Variants in SUPT3H observed in about 807,000 individuals in gnomAD.
SUPT3H encodes SPT3 homolog, SAGA and STAGA complex component.
Under a neutral mutation model 44.3 loss-of-function variants are expected in SUPT3H, and 44 were observed. The observed-to-expected ratio is 0.99, with a 90% CI of 0.78 to 1.28. The LOEUF (loss-of-function observed/expected upper bound fraction) is 1.28. Ranked by LOEUF, SUPT3H falls within the 50% of genes most tolerant of loss-of-function variation. SUPT3H has a pLI of 0.00. For missense variants in SUPT3H, 380 were observed against 387.1 expected (o/e 0.98, Z 0.15); for synonymous variants, 124 against 125.6 (o/e 0.99, Z 0.09).
At chr6:44,834,025 T>C (rs896987571) in intron 10 of SUPT3H, among the ~76,000 whole-genome samples, 1 of 152,182 alleles carries the variant, frequency 6.6e-6, no homozygotes, top group African/African-American at 2.4e-5. Flanking sequence ...GTGTATAGTA[T>C]AGAACATTGC....
At chr6:45,308,248 C>T (rs556387864) in intron 2 of SUPT3H, among the ~76,000 whole-genome samples, 5 of 152,114 alleles carry the variant, frequency 3.3e-5, no homozygotes, top group East Asian at 3.9e-4. Context: ...ATACAGAGAA[C>T]GCCACAAAGA....
intron 9 of SUPT3H, among the ~76,000 whole-genome samples, chr6:44,949,349 C>G (rs1204396232): frequency 6.6e-6 from 1 of 151,544 alleles, no homozygotes. Flanking sequence ...TGTAACAAAC[C>G]TGCAGGTTGT....
chr6:45,176,092 C>G (rs748592870), intron 2 of SUPT3H, among the ~76,000 whole-genome samples: 1 of 152,078 alleles, frequency 6.6e-6, no homozygotes, highest in Non-Finnish European at 1.5e-5. Context: ...CGAATAGGAA[C>G]AGCTCTGGTC....
chr6:44,928,743 C>T (rs1769947681), intron 10 of SUPT3H, among the ~76,000 whole-genome samples: 1 of 151,150 alleles, frequency 6.6e-6, no homozygotes, highest in Non-Finnish European at 1.5e-5. Flanking sequence ...ATTAGCTGGG[C>T]GCAGTGGCGG....
Position 44,809,727 on chromosome 6 carries a change from G to C in SUPT3H, c.*53-226C>G, listed in dbSNP as rs1478119221. On this transcript the variant is annotated intron_variant and NMD_transcript_variant, in intron 11 of 11. Transcript: ENST00000475057. Reference sequence around the variant, plus strand: ...TAAAGTTTTGACTCCCACTTATGCTGGTTTTTCCATAATCCACACTCCATA... The same window carrying C: ...TAAAGTTTTGACTCCCACTTATGCTCGTTTTTCCATAATCCACACTCCATA... Among the ~76,000 whole-genome samples the C allele has an allele frequency of 2.6e-5, 4 of 152,224 alleles. No individual in the cohort carries two copies. In the East Asian group the frequency reaches 7.7e-4, roughly 29 times the overall value.
chr6:45,354,702 GAAA>G (rs199898844), intron 2 of SUPT3H, among the ~76,000 whole-genome samples: 2 of 150,826 alleles, frequency 1.3e-5, no homozygotes, highest in Non-Finnish European at 3.0e-5. Flanking sequence ...TTTAAAAAAA[GAAA>G]AAAAAAGTTT....
intron 2 of SUPT3H, among the ~76,000 whole-genome samples, chr6:45,235,695 A>G (rs964709329): frequency 6.6e-6 from 1 of 152,168 alleles, no homozygotes; most frequent in Non-Finnish European, 1.5e-5. Flanking sequence ...GGAGAAAATA[A>G]AGTTAATCTT....
chr6:44,891,029 G>A (rs541296589), intron 10 of SUPT3H, among the ~76,000 whole-genome samples: 221 of 152,052 alleles, frequency 1.5e-3, no homozygotes, highest in African/African-American at 5.0e-3. Context: ...ACCTAATGTA[G>A]ATGACGGGTT....
intron 10 of SUPT3H, among the ~76,000 whole-genome samples, chr6:44,868,661 C>T (rs1318933544): frequency 6.6e-6 from 1 of 152,194 alleles, no homozygotes; most frequent in Non-Finnish European, 1.5e-5. Flanking sequence ...GGGGTCCCCA[C>T]ACCTATCAAT....
chr6:45,221,746 A>C (rs1218136951), intron 2 of SUPT3H, among the ~76,000 whole-genome samples: 1 of 152,146 alleles, frequency 6.6e-6, no homozygotes, highest in East Asian at 1.9e-4. Flanking sequence ...TCTAATTTGT[A>C]GTGCTTTTCT....
intron 3 of SUPT3H, among the ~76,000 whole-genome samples, chr6:45,081,155 C>A (rs1305848905): frequency 3.3e-5 from 5 of 151,580 alleles, no homozygotes; most frequent in African/African-American, 9.7e-5. Flanking sequence ...CTGAACAAAG[C>A]CAAAGAGAGT....
intron 9 of SUPT3H, 29 bp downstream of exon 9, chr6:44,953,281 G>GT (rs753555682): frequency 6.2e-4 from 970 of 1,566,570 alleles, no homozygotes; most frequent in Non-Finnish European, 6.2e-4. Context: ...ATTCACAAAT[G>GT]TTTTAAGACA....
At chr6:44,819,870 A>C (rs1767171075) in intron 11 of SUPT3H, among the ~76,000 whole-genome samples, 1 of 152,236 alleles carries the variant, frequency 6.6e-6, no homozygotes, top group Admixed American at 6.5e-5. Context: ...GATTTTTTAA[A>C]TAAAAATGCT....
intron 2 of SUPT3H, among the ~76,000 whole-genome samples, chr6:45,192,831 T>C (rs1815365746): frequency 6.6e-6 from 1 of 152,090 alleles, no homozygotes; most frequent in Admixed American, 6.6e-5. Flanking sequence ...AAATCAGAAA[T>C]ATAAAATTCC....
At chr6:44,974,265 A>G (rs1352820572) in intron 6 of SUPT3H, among the ~76,000 whole-genome samples, 1 of 143,862 alleles carries the variant, frequency 7.0e-6, no homozygotes, top group Admixed American at 6.9e-5. Flanking sequence ...ATAAATATAT[A>G]TATGTCTGTA....
chr6:44,829,561 G>A lies in SUPT3H; in HGVS notation c.*255C>T. On this transcript the variant is annotated 3_prime_UTR_variant, in exon 11 of 11. Transcript: ENST00000371459. The stretch of plus-strand genomic sequence containing the variant: ...ACTCAAATTAAAATTTCAAAACTGT[G>A]TGATCTGCATTCTTGTCCACCTACA... 3 of 380,960 alleles carry A rather than the reference G, an allele frequency of 7.9e-6. No homozygotes were observed. Among genetic ancestry groups the A allele is most frequent in the Middle Eastern group, 6.9e-4 (1 of 1,448 alleles). 23.6% of individuals were successfully genotyped at this position (380,960 alleles called of 1,614,324 possible).
At chr6:45,256,348 G>C (rs889902634) in intron 2 of SUPT3H, among the ~76,000 whole-genome samples, 1 of 152,070 alleles carries the variant, frequency 6.6e-6, no homozygotes, top group African/African-American at 2.4e-5. Flanking sequence ...TCATTGATCT[G>C]GTGAGGGCCT....
chr6:44,992,590 T>G, intron 6 of SUPT3H, among the ~76,000 whole-genome samples: 1 of 152,104 alleles, frequency 6.6e-6, no homozygotes, highest in East Asian at 1.9e-4. Flanking sequence ...TGATCTGGAT[T>G]AGGGAAAATA....
At chr6:44,877,419 C>A (rs949539935) in intron 10 of SUPT3H, among the ~76,000 whole-genome samples, 24 of 143,422 alleles carry the variant, frequency 1.7e-4, no homozygotes, top group Admixed American at 1.5e-3. Flanking sequence ...CAGTGAGCTG[C>A]GATAGTGCCA....
Sources: gnomAD v4.1 joint callset for allele counts (sites outside exome capture counted in the v4.1 genomes callset) on GRCh38, gnomAD v4.1.1 for gene constraint, MANE v1.5 for transcripts, NCBI Gene and HGNC (gene_info 2026-07-23, HGNC 2026-07-21) for gene names.